The following SPIRE1 variants were observed in gnomAD, a reference collection of about 807,000 sequenced individuals.
SPIRE1 encodes protein spire homolog 1.
Under a neutral mutation model 94.1 loss-of-function variants are expected in SPIRE1, and 40 were observed. The ratio of observed to expected loss-of-function variants is 0.43; its 90% CI spans 0.33 to 0.55. The LOEUF (loss-of-function observed/expected upper bound fraction) is 0.55. Ranked by LOEUF, SPIRE1 falls within the 20% of genes least tolerant of loss-of-function variation. The pLI, the probability that SPIRE1 is intolerant of heterozygous loss-of-function variation, is 0.06. For missense variants in SPIRE1, 838 were observed against 975.2 expected (o/e 0.86, Z 1.87); for synonymous variants, 376 against 371.7 (o/e 1.01, Z -0.13).
intron 1 of SPIRE1, among the ~76,000 whole-genome samples, chr18:12,646,283 C>G (rs1276996025): frequency 6.6e-6 from 1 of 152,178 alleles, no homozygotes; most frequent in Admixed American, 6.5e-5. Context: ...CTACTGTCAC[C>G]AGGCAGGGTC....
chr18:12,484,137 T>C (rs989144677), intron 9 of SPIRE1, among the ~76,000 whole-genome samples: 2 of 152,158 alleles, frequency 1.3e-5, no homozygotes, highest in Non-Finnish European at 2.9e-5. Context: ...AGATCAGCAA[T>C]GTGTACCTAA....
intron 4 of SPIRE1, 130 bp from the exon 5 acceptor site, chr18:12,512,661 C>G: frequency 1.6e-6 from 1 of 625,746 alleles, no homozygotes. Flanking sequence ...ATCTATTGCT[C>G]CGTAAACTCT....
chr18:12,655,204 G>A (rs2038505026), intron 1 of SPIRE1, among the ~76,000 whole-genome samples: 2 of 150,104 alleles, frequency 1.3e-5, no homozygotes, highest in African/African-American at 4.9e-5. Flanking sequence ...CAGCAGCCTG[G>A]GCAATACAGC....
At chr18:12,526,150 T>C (rs1388417478) in intron 4 of SPIRE1, among the ~76,000 whole-genome samples, 6 of 150,540 alleles carry the variant, frequency 4.0e-5, no homozygotes, top group African/African-American at 1.2e-4. Context: ...CACAAAACTA[T>C]AGACTCTTCT....
intron 12 of SPIRE1, among the ~76,000 whole-genome samples, chr18:12,457,088 C>T (rs1225255964): frequency 6.6e-6 from 1 of 152,198 alleles, no homozygotes; most frequent in Non-Finnish European, 1.5e-5. Context: ...GCCTCAGCCT[C>T]TCAAAGTGCT....
At chr18:12,592,430 G>C (rs2036560673) in intron 2 of SPIRE1, among the ~76,000 whole-genome samples, 1 of 152,140 alleles carries the variant, frequency 6.6e-6, no homozygotes, top group African/African-American at 2.4e-5. Context: ...AGAAAAATGA[G>C]AAGATTTATA....
At chr18:12,536,979 T>C (rs558490713) in intron 3 of SPIRE1, among the ~76,000 whole-genome samples, 1 of 152,226 alleles carries the variant, frequency 6.6e-6, no homozygotes, top group Non-Finnish European at 1.5e-5. Context: ...AAATGACATC[T>C]TTGTAGTTTG....
intron 2 of SPIRE1, among the ~76,000 whole-genome samples, chr18:12,614,924 C>T (rs1010720202): frequency 5.9e-5 from 9 of 151,992 alleles, no homozygotes; most frequent in Non-Finnish European, 1.2e-4. Flanking sequence ...CCCGGTGGCT[C>T]ATGCCTGTAA....
At chr18:12,582,067 C>T (rs1678169004) in intron 2 of SPIRE1, among the ~76,000 whole-genome samples, 1 of 152,160 alleles carries the variant, frequency 6.6e-6, no homozygotes, top group Admixed American at 6.5e-5. Context: ...TCAAACAAAA[C>T]ATCATGGGTA....
chr18:12,450,663 G>T, intron 16 of SPIRE1: 1 of 621,030 alleles, frequency 1.6e-6, no homozygotes. Flanking sequence ...CACTACCACT[G>T]GGAAATGAAG....
intron 6 of SPIRE1, among the ~76,000 whole-genome samples, chr18:12,498,337 G>A (rs527789140): frequency 7.9e-5 from 12 of 152,294 alleles, no homozygotes; most frequent in African/African-American, 2.9e-4. Context: ...AATAGTAGAT[G>A]CTTAAATAAA....
intron 1 of SPIRE1, among the ~76,000 whole-genome samples, chr18:12,648,727 T>C (rs557161579): frequency 1.3e-5 from 2 of 151,806 alleles, no homozygotes; most frequent in South Asian, 4.2e-4. Flanking sequence ...CCGTCTCTAC[T>C]AAAAATACAA....
chr18:12,466,856 CT>C (rs1324245193), intron 10 of SPIRE1, among the ~76,000 whole-genome samples: 8 of 152,166 alleles, frequency 5.3e-5, no homozygotes, highest in African/African-American at 1.9e-4. Flanking sequence ...TAAGAATTCG[CT>C]GTTCACCAAA....
intron 5 of SPIRE1, 150 bp from the exon 6 acceptor site, chr18:12,506,791 A>G: frequency 1.3e-6 from 1 of 778,972 alleles, no homozygotes; most frequent in Non-Finnish European, 2.0e-6. Context: ...TTTGGGTACT[A>G]AAAGATGGGT....
intron 12 of SPIRE1, among the ~76,000 whole-genome samples, 164 bp downstream of exon 12, chr18:12,463,187 C>T (rs767310639): frequency 2.6e-5 from 4 of 152,224 alleles, no homozygotes; most frequent in Non-Finnish European, 4.4e-5. Flanking sequence ...TAGGCACGAG[C>T]CACCACGCCT....
chr18:12,569,136 C>T (rs138857367), intron 2 of SPIRE1, among the ~76,000 whole-genome samples: 1,551 of 152,172 alleles, frequency 0.01, 10 homozygotes, highest in South Asian at 0.017. Flanking sequence ...GTCAGGAGAT[C>T]GAGACCATCC....
chr18:12,610,512 A>G (rs1310295891), intron 2 of SPIRE1, among the ~76,000 whole-genome samples: 1 of 152,096 alleles, frequency 6.6e-6, no homozygotes, highest in African/African-American at 2.4e-5. Context: ...TTTGCCCTTC[A>G]ATCCCTTGCC....
At chr18:12,461,522 GTGTGGTATGTACGTACATATGTATA>G (rs1338789116) in intron 12 of SPIRE1, among the ~76,000 whole-genome samples, 202 of 117,464 alleles carry the variant, frequency 1.7e-3, no homozygotes, top group Non-Finnish European at 3.1e-3. Context: ...ACATACATAT[GTGTGGTATGTACGTACATATGTATA>G]TACATACATG....
intron 2 of SPIRE1, among the ~76,000 whole-genome samples, chr18:12,587,798 A>T (rs1366597516): frequency 1.3e-5 from 2 of 152,246 alleles, no homozygotes; most frequent in Non-Finnish European, 2.9e-5. Flanking sequence ...GAATTCTTTC[A>T]AATTGCTTAA....
Sources: gnomAD v4.1 joint callset for allele counts (sites outside exome capture counted in the v4.1 genomes callset) on GRCh38, gnomAD v4.1.1 for gene constraint, MANE v1.5 for transcripts, NCBI Gene and HGNC (gene_info 2026-07-23, HGNC 2026-07-21) for gene names.